The following CSF1R variants were observed in gnomAD, a reference collection of about 807,000 sequenced individuals.
CSF1R encodes the protein macrophage colony-stimulating factor 1 receptor.
In CSF1R, 40 loss-of-function variants were observed where a neutral mutation model predicts 110.0. That is an observed-to-expected ratio of 0.36 (90% CI 0.28 to 0.47). CSF1R has a LOEUF of 0.47. Ranked by LOEUF, CSF1R falls within the 20% of genes least tolerant of loss-of-function variation. The pLI is 0.99. For synonymous variants in CSF1R, 523 were observed against 503.4 expected (o/e 1.04, Z -0.52); for missense variants, 1,052 against 1,253.0 (o/e 0.84, Z 2.42).
chr5:150,064,067 C>T (rs1757650447), intron 10 of CSF1R, among the ~76,000 whole-genome samples: 2 of 152,180 alleles, frequency 1.3e-5, no homozygotes, highest in African/African-American at 4.8e-5. Context: ...AACCTACATA[C>T]CGCATGTTCT....
intron 10 of CSF1R, among the ~76,000 whole-genome samples, chr5:150,064,535 C>T (rs1185108135): frequency 6.6e-6 from 1 of 152,182 alleles, no homozygotes; most frequent in Non-Finnish European, 1.5e-5. Flanking sequence ...TCTGAGGATC[C>T]AAATCCTGCC....
chr5:150,081,693 A>G (rs1181923916), intron 1 of CSF1R, among the ~76,000 whole-genome samples: 3 of 152,204 alleles, frequency 2.0e-5, no homozygotes, highest in African/African-American at 7.2e-5. Flanking sequence ...ATCACCTGTC[A>G]CCAAATAAAT....
intron 5 of CSF1R, among the ~76,000 whole-genome samples, chr5:150,075,720 A>AG (rs1758232770): frequency 6.6e-6 from 1 of 152,224 alleles, no homozygotes; most frequent in African/African-American, 2.4e-5. Context: ...CTCGATGTCT[A>AG]GAACAGTGTC....
Position 150,057,399 on chromosome 5 carries a change from G to A in CSF1R, c.2222-15C>T. ...CTTGTCCAGGTCTAGGGTGGGAAGA[G>A]GCGTCAGGGCAGCCCTGCCACACTC... On this transcript the variant is annotated splice_polypyrimidine_tract_variant and intron_variant, in intron 15 of 20. Transcript: ENST00000675795. 1 of 1,613,362 alleles carries A rather than the reference G, an allele frequency of 6.2e-7. No homozygotes were observed. The highest frequency in any genetic ancestry group is 1.1e-5 in the South Asian group (1 of 91,028).
chr5:150,088,536 T>C (rs1185586480), upstream of CSF1R, among the ~76,000 whole-genome samples: 1 of 152,012 alleles, frequency 6.6e-6, no homozygotes. Context: ...TTTTTTTCTT[T>C]CTTTCTTTCT....
chr5:150,057,712 C>T (rs1312874221), intron 14 of CSF1R, 120 bp from the exon 15 acceptor site: 1 of 689,996 alleles, frequency 1.4e-6, no homozygotes, highest in Non-Finnish European at 2.6e-6. Flanking sequence ...ATAAGAAACC[C>T]TCCTGCCACA....
At chr5:150,076,618 T>C (rs1476211813) in intron 5 of CSF1R, among the ~76,000 whole-genome samples, 1 of 152,186 alleles carries the variant, frequency 6.6e-6, no homozygotes, top group Non-Finnish European at 1.5e-5. Flanking sequence ...TTTCTCACTT[T>C]AAGACACCTT....
upstream of CSF1R, among the ~76,000 whole-genome samples, chr5:150,090,347 C>G (rs1483155978): frequency 6.6e-6 from 1 of 152,094 alleles, no homozygotes; most frequent in Non-Finnish European, 1.5e-5. Flanking sequence ...TGAGTTTTGA[C>G]AAATATATAT....
chr5:150,071,651 G>A (rs1157738045), intron 6 of CSF1R, among the ~76,000 whole-genome samples: 1 of 152,100 alleles, frequency 6.6e-6, no homozygotes, highest in Admixed American at 6.5e-5. Flanking sequence ...TGGTGTCCAG[G>A]CTTGTCTGCC....
intron 1 of CSF1R, among the ~76,000 whole-genome samples, chr5:150,100,398 C>T (rs1054270034): frequency 2.0e-4 from 29 of 145,720 alleles, no homozygotes; most frequent in Non-Finnish European, 3.0e-4. Flanking sequence ...CCCGGGTTCA[C>T]GCCATTCTCC....
At chr5:150,085,622 G>A (rs575260824) in intron 1 of CSF1R, among the ~76,000 whole-genome samples, 1 of 152,166 alleles carries the variant, frequency 6.6e-6, no homozygotes, top group East Asian at 1.9e-4. Context: ...GGAGGGCTCT[G>A]GTCCAGGAGA....
intron 3 of CSF1R, among the ~76,000 whole-genome samples, chr5:150,079,288 T>A (rs1319772161): frequency 1.3e-5 from 2 of 152,178 alleles, no homozygotes; most frequent in Non-Finnish European, 2.9e-5. Context: ...TGGCTTCAGA[T>A]CCCAGTGGCA....
chr5:150,101,781 C>T (rs775443639), intron 1 of CSF1R, among the ~76,000 whole-genome samples: 2 of 151,918 alleles, frequency 1.3e-5, no homozygotes, highest in African/African-American at 4.8e-5. Flanking sequence ...CCTCTCTCCC[C>T]GCCTCAACTG....
chr5:150,058,274 A>G (rs983198539), intron 14 of CSF1R: 19 of 456,200 alleles, frequency 4.2e-5, no homozygotes, highest in South Asian at 1.9e-4. Context: ...AGAGATGCCT[A>G]TGAGAGCACA....
At chr5:150,100,724 C>T (rs763849764) in intron 1 of CSF1R, among the ~76,000 whole-genome samples, 1 of 152,014 alleles carries the variant, frequency 6.6e-6, no homozygotes. Flanking sequence ...ATTCTACTCC[C>T]TGGCAGGCAT....
In CSF1R at chr5:150,056,312, G is replaced by A. The variant is rs532507565; in HGVS notation, c.2349C>T (p.Asn783=). 2.0e-5 allele frequency: 32 copies of A among 1,614,104 alleles called. No homozygotes were observed. The highest frequency in any genetic ancestry group is 6.7e-5 in the Admixed American group (4 of 60,026). ...NCIHRDVAAR[N]VLLTNGHVAK... ...CCACATGACCATTGGTCAACAGCAC[G>A]TTACGCGCTGCCACGTCCCGGTGGA... The change falls in exon 17 of 21, where the codon AAC becomes AAT. Residue 783 remains asparagine (N), a synonymous_variant. Transcript: ENST00000675795.
chr5:150,110,125 T>C (rs140281783), intron 1 of CSF1R, among the ~76,000 whole-genome samples: 125 of 152,354 alleles, frequency 8.2e-4, no homozygotes, highest in Middle Eastern at 3.4e-3. Flanking sequence ...TCCTGACTCA[T>C]CCTGAGCCAC....
intron 12 of CSF1R, 74 bp from the exon 13 acceptor site, chr5:150,061,046 C>A: frequency 2.8e-6 from 3 of 1,057,452 alleles, no homozygotes; most frequent in Non-Finnish European, 4.2e-6. Flanking sequence ...ACATGGGGAC[C>A]AAATGCAGAG....
intron 1 of CSF1R, among the ~76,000 whole-genome samples, chr5:150,084,448 AAGGAAGG>A (rs1298136396): frequency 1.2e-4 from 10 of 82,530 alleles, no homozygotes; most frequent in African/African-American, 4.0e-4. Context: ...GGAAGGAAGG[AAGGAAGG>A]AAGAAAGAAA....
Sources: gnomAD v4.1 joint callset for allele counts (sites outside exome capture counted in the v4.1 genomes callset) on GRCh38, gnomAD v4.1.1 for gene constraint, MANE v1.5 for transcripts, NCBI Gene and HGNC (gene_info 2026-07-23, HGNC 2026-07-21) for gene names.